Variants in ACOXL observed in about 807,000 individuals in gnomAD.
ACOXL encodes the protein acyl-CoA oxidase like, also known as acyl-coenzyme A oxidase-like protein.
A neutral mutation model predicts 71.9 loss-of-function variants in ACOXL; 70 were observed. That is an observed-to-expected ratio of 0.97 (90% CI 0.80 to 1.19). ACOXL has a LOEUF of 1.19. Among genes scored for constraint, ACOXL ranks in the 50% most tolerant of loss-of-function variants. The pLI is 0.00. For synonymous variants in ACOXL, 253 were observed against 281.6 expected (o/e 0.90, Z 1.02); for missense variants, 703 against 736.3 (o/e 0.95, Z 0.52).
intron 10 of ACOXL, among the ~76,000 whole-genome samples, chr2:110,906,703 G>T (rs1475458104): frequency 1.3e-5 from 2 of 151,958 alleles, no homozygotes; most frequent in African/African-American, 2.4e-5. Context: ...ATGTCCTCAA[G>T]TGAAGCTCTG....
intron 12 of ACOXL, among the ~76,000 whole-genome samples, chr2:110,975,311 G>A (rs2062394477): frequency 6.6e-6 from 1 of 152,064 alleles, no homozygotes; most frequent in Non-Finnish European, 1.5e-5. Context: ...TGAAAGACTA[G>A]TACAATAAAT....
intron 12 of ACOXL, among the ~76,000 whole-genome samples, chr2:110,966,067 G>T (rs563538869): frequency 6.6e-6 from 1 of 152,104 alleles, no homozygotes; most frequent in Admixed American, 6.6e-5. Context: ...TTTCTGCCTC[G>T]CTGGGAGCTG....
intron 1 of ACOXL, among the ~76,000 whole-genome samples, chr2:110,749,851 C>T (rs541184798): frequency 1.3e-5 from 2 of 152,344 alleles, no homozygotes; most frequent in South Asian, 2.1e-4. Context: ...TGCTGTCACA[C>T]GTCCTCAGGG....
At chr2:110,868,903 T>C (rs1045348368) in intron 10 of ACOXL, among the ~76,000 whole-genome samples, 1 of 152,204 alleles carries the variant, frequency 6.6e-6, no homozygotes, top group Non-Finnish European at 1.5e-5. Flanking sequence ...GAGTTTCTTA[T>C]GTTGCTAATA....
intron 9 of ACOXL, among the ~76,000 whole-genome samples, chr2:110,828,327 A>G (rs1279590467): frequency 6.6e-6 from 1 of 152,172 alleles, no homozygotes; most frequent in East Asian, 1.9e-4. Flanking sequence ...TTTTATACAC[A>G]GGGTTCTAAT....
At chr2:110,870,935 G>A (rs531354801) in intron 10 of ACOXL, among the ~76,000 whole-genome samples, 198 of 152,252 alleles carry the variant, frequency 1.3e-3, no homozygotes, top group Non-Finnish European at 2.1e-3. Context: ...GGAGAGGTCA[G>A]GCCTGCTCAG....
chr2:110,805,198 C>A, intron 8 of ACOXL, 65 bp from the exon 9 acceptor site: 1 of 1,597,358 alleles, frequency 6.3e-7, no homozygotes, highest in Non-Finnish European at 8.5e-7. Context: ...TGGGAGCCAC[C>A]TGACTTCGTT....
intron 10 of ACOXL, among the ~76,000 whole-genome samples, chr2:110,871,450 A>T (rs1695265697): frequency 6.6e-6 from 1 of 151,904 alleles, no homozygotes; most frequent in African/African-American, 2.4e-5. Flanking sequence ...AAGCTTGTAC[A>T]ATGAAGCACT....
chr2:111,004,583 C>T (rs6722913), intron 14 of ACOXL, among the ~76,000 whole-genome samples: 136,664 of 152,146 alleles, frequency 0.9, 61,635 homozygotes, highest in African/African-American at 0.97. Context: ...TGCCCCACTC[C>T]CTGGTTTTCC....
At chr2:110,943,773 C>T (rs1272935440) in intron 12 of ACOXL, among the ~76,000 whole-genome samples, 1 of 152,028 alleles carries the variant, frequency 6.6e-6, no homozygotes, top group Non-Finnish European at 1.5e-5. Context: ...CCGTAGCAGA[C>T]ACAGCATATT....
At chr2:110,752,384 T>A (rs986481560) in intron 1 of ACOXL, among the ~76,000 whole-genome samples, 1 of 151,948 alleles carries the variant, frequency 6.6e-6, no homozygotes, top group Non-Finnish European at 1.5e-5. Context: ...CTTGGGAGGC[T>A]GAGGAAGGAG....
chr2:110,892,522 C>T (rs1025624735), intron 10 of ACOXL, among the ~76,000 whole-genome samples: 1 of 152,060 alleles, frequency 6.6e-6, no homozygotes, highest in African/African-American at 2.4e-5. Flanking sequence ...AGAAAGTTTT[C>T]AATGGAGGAT....
intron 16 of ACOXL, among the ~76,000 whole-genome samples, chr2:111,072,680 T>C (rs896490215): frequency 2.0e-5 from 3 of 152,238 alleles, no homozygotes; most frequent in Admixed American, 6.5e-5. Context: ...GCCATGTGCA[T>C]TGCAGAATGT....
At chr2:110,897,421 G>A (rs1179938619) in intron 10 of ACOXL, among the ~76,000 whole-genome samples, 1 of 152,162 alleles carries the variant, frequency 6.6e-6, no homozygotes, top group Non-Finnish European at 1.5e-5. Context: ...CAAGGCCCTG[G>A]CATCTTTTAA....
chr2:111,017,629 G>A (rs1038371), intron 14 of ACOXL, among the ~76,000 whole-genome samples: 46,320 of 152,112 alleles, frequency 0.3, 7,419 homozygotes, highest in African/African-American at 0.36. Flanking sequence ...CCCCGTCAAC[G>A]CCTTCACCTT....
chr2:110,972,960 G>T (rs191282432), intron 12 of ACOXL, among the ~76,000 whole-genome samples: 1 of 152,334 alleles, frequency 6.6e-6, no homozygotes, highest in Non-Finnish European at 1.5e-5. Flanking sequence ...CACATTATGT[G>T]CTCAATTGGT....
At chr2:111,076,735 T>C (rs1272409432) in intron 16 of ACOXL, among the ~76,000 whole-genome samples, 5 of 152,238 alleles carry the variant, frequency 3.3e-5, no homozygotes, top group African/African-American at 7.2e-5. Context: ...CAAAAAATTA[T>C]TCTTTCATAG....
intron 1 of ACOXL, among the ~76,000 whole-genome samples, chr2:110,765,521 G>A (rs1393072291): frequency 6.6e-6 from 1 of 152,060 alleles, no homozygotes; most frequent in Non-Finnish European, 1.5e-5. Flanking sequence ...CTATTGATTT[G>A]TGTTCTAGTC....
intron 15 of ACOXL, among the ~76,000 whole-genome samples, chr2:111,033,317 T>G (rs1179054295): frequency 9.2e-5 from 14 of 152,234 alleles, no homozygotes; most frequent in Admixed American, 9.2e-4. Context: ...TCAGAGAAAC[T>G]GACTTATCTT....
Sources: gnomAD v4.1 joint callset for allele counts (sites outside exome capture counted in the v4.1 genomes callset) on GRCh38, gnomAD v4.1.1 for gene constraint, MANE v1.5 for transcripts, NCBI Gene and HGNC (gene_info 2026-07-23, HGNC 2026-07-21) for gene names.